Variants in UTY observed in about 807,000 individuals in gnomAD.
UTY encodes ubiquitously transcribed tetratricopeptide repeat containing, Y-linked.
UTY carries 12 observed loss-of-function variants against 32.5 expected under a neutral mutation model. The ratio of observed to expected loss-of-function variants is 0.37; its 90% CI spans 0.24 to 0.60. UTY has a LOEUF of 0.60. Among genes scored for constraint, UTY ranks in the 20% least tolerant of loss-of-function variants. The probability of loss-of-function intolerance (pLI) is 0.69; values close to 1 mark genes in which losing one functional copy is unlikely to be tolerated. For synonymous variants in UTY, 131 were observed against 103.4 expected (o/e 1.27, Z -1.62); for missense variants, 303 against 299.2 (o/e 1.01, Z -0.09).
At chrY:13,399,676 TTAA>T (rs2068699332) in intron 6 of UTY, among the ~76,000 whole-genome samples, 1 of 33,484 alleles carries the variant, frequency 3.0e-5, no homozygotes, top group Non-Finnish European at 7.4e-5. Context: ...AAAAAGGCTT[TTAA>T]TTATAAATAC....
chrY:13,469,213 C>CT (rs767648479), intron 3 of UTY, among the ~76,000 whole-genome samples: 49 of 24,758 alleles, frequency 2.0e-3, no homozygotes, highest in African/African-American at 3.3e-3. Flanking sequence ...CCACCTATTG[C>CT]TTTTTTTTTT....
intron 27 of UTY, among the ~76,000 whole-genome samples, chrY:13,280,871 A>G (rs2056971960): frequency 9.4e-5 from 3 of 32,015 alleles, no homozygotes; most frequent in African/African-American, 3.7e-4. Flanking sequence ...TAAAATTACC[A>G]AAGATCAAAG....
At chrY:13,269,859 C>T in intron 27 of UTY, among the ~76,000 whole-genome samples, 1 of 33,955 alleles carries the variant, frequency 2.9e-5, no homozygotes, top group Non-Finnish European at 7.4e-5. Flanking sequence ...GCTTTGGCTC[C>T]GCCTCTGTGG....
chrY:13,376,866 A>G, intron 8 of UTY, among the ~76,000 whole-genome samples: 1 of 33,585 alleles, frequency 3.0e-5, no homozygotes, highest in Non-Finnish European at 7.3e-5. Flanking sequence ...GGCTGTGGAA[A>G]GCATCCTCTT....
At chrY:13,270,906 C>G in intron 27 of UTY, among the ~76,000 whole-genome samples, 1 of 32,779 alleles carries the variant, frequency 3.1e-5, no homozygotes, top group Admixed American at 2.8e-4. Context: ...ACAGAAAAAC[C>G]CTTTGTTTAC....
chrY:13,295,403 C>A, intron 27 of UTY, among the ~76,000 whole-genome samples: 1 of 33,286 alleles, frequency 3.0e-5, no homozygotes, highest in African/African-American at 1.2e-4. Context: ...CCAAACACTC[C>A]CCAGGAGACC....
Position 13,293,243 on chromosome Y carries a change from T to A in UTY, c.4010+4464A>T, listed in dbSNP as rs745471664. 8.0e-4 allele frequency among the ~76,000 whole-genome samples: 27 copies of A among 33,761 alleles called. No individual in the cohort carries two copies. The East Asian group carries it at 0.021, about 26-fold the overall frequency. The allele number at this position is 33,761 out of a possible 37,273, so 90.6% of individuals were successfully genotyped here. A position where few individuals can be genotyped will look rare whatever the true frequency, so the allele number is the denominator to read the frequency against. On this transcript the variant is annotated intron_variant, in intron 27 of 29. Transcript: ENST00000545955. ...CTAAACCCTAAGTAAGAATGCTCAT[T>A]CTTGGCATCTGTTTAGAATCTAATA...
Position 13,297,867 on chromosome Y carries a change from C to T in UTY, c.3869-19G>A. The T allele has an allele frequency of 2.7e-6, 1 of 375,765 alleles. No homozygotes were observed. The highest frequency in any genetic ancestry group is 3.1e-5 in the South Asian group (1 of 32,766). 93.7% of individuals were successfully genotyped at this position (375,765 alleles called of 400,897 possible). ...TGGCAGGCTAGAAGGAAAAAAGCAA[C>T]AGTCATAAAGTAACCCAAAGTAATA... On this transcript the variant is annotated intron_variant, in intron 26 of 29. Coordinates refer to ENST00000545955, the MANE Select transcript of UTY (RefSeq NM_001258249.2).
At chrY:13,423,562 A>G (rs978313864) in intron 4 of UTY, among the ~76,000 whole-genome samples, 1 of 33,554 alleles carries the variant, frequency 3.0e-5, no homozygotes, top group African/African-American at 1.2e-4. Context: ...AGATTCCACT[A>G]CAGGGTATTT....
At chrY:13,466,056 T>C in intron 3 of UTY, among the ~76,000 whole-genome samples, 1 of 33,901 alleles carries the variant, frequency 2.9e-5, no homozygotes, top group African/African-American at 1.2e-4. Context: ...GTCACTAGTT[T>C]ATATAAATAT....
At chrY:13,357,448 T>C (rs2063048943) in intron 15 of UTY, among the ~76,000 whole-genome samples, 1 of 30,907 alleles carries the variant, frequency 3.2e-5, no homozygotes, top group African/African-American at 1.3e-4. Context: ...AGGTATTCGG[T>C]AGGCTGAGGC....
At chrY:13,437,639 T>C (rs1258752763) in intron 4 of UTY, among the ~76,000 whole-genome samples, 56 of 33,277 alleles carry the variant, frequency 1.7e-3, no homozygotes, top group Non-Finnish European at 7.4e-5. Flanking sequence ...TACAGAGGTA[T>C]GTGGATGCAC....
At chrY:13,407,237 G>C (rs927475010) in intron 6 of UTY, among the ~76,000 whole-genome samples, 3 of 31,807 alleles carry the variant, frequency 9.4e-5, no homozygotes, top group Non-Finnish European at 2.3e-4. Context: ...TATAGTGAGA[G>C]ATAATAAAGT....
At chrY:13,456,144 T>C in intron 3 of UTY, among the ~76,000 whole-genome samples, 1 of 32,774 alleles carries the variant, frequency 3.1e-5, no homozygotes, top group African/African-American at 1.2e-4. Flanking sequence ...ACCAAGAAAA[T>C]GGAAAACTAC....
At chrY:13,305,957 C>A (rs2058656149) in intron 23 of UTY, 81 bp downstream of exon 23, 29 of 270,832 alleles carry the variant, frequency 1.1e-4, no homozygotes, top group Non-Finnish European at 1.6e-4. Flanking sequence ...AGAAAAAAAA[C>A]AGTTCTCTAG....
At chrY:13,355,888 G>C in intron 16 of UTY, 35 bp downstream of exon 16, 1 of 328,995 alleles carries the variant, frequency 3.0e-6, no homozygotes, top group Non-Finnish European at 4.3e-6. Flanking sequence ...CAAACTGTTG[G>C]TAAATTTTAG....
At chrY:13,304,739 T>C (rs770801860) in intron 24 of UTY, among the ~76,000 whole-genome samples, 1 of 32,584 alleles carries the variant, frequency 3.1e-5, no homozygotes, top group African/African-American at 1.2e-4. Context: ...TGGAGTATTA[T>C]TTCCTCCAAA....
intron 7 of UTY, among the ~76,000 whole-genome samples, chrY:13,395,659 AACACACACACAC>A (rs113496156): frequency 9.0e-5 from 2 of 22,107 alleles, no homozygotes; most frequent in Non-Finnish European, 2.0e-4. Flanking sequence ...ACAAAATTAA[AACACACACACAC>A]ACACACACAC....
chrY:13,244,092 G>C (rs375918721), downstream of UTY, among the ~76,000 whole-genome samples: 1,237 of 32,715 alleles, frequency 0.038, no homozygotes, highest in Middle Eastern at 0.3. Flanking sequence ...ACAGGTATGA[G>C]CCACTGAGCC....
Sources: gnomAD v4.1 joint callset for allele counts (sites outside exome capture counted in the v4.1 genomes callset) on GRCh38, gnomAD v4.1.1 for gene constraint, MANE v1.5 for transcripts, NCBI Gene and HGNC (gene_info 2026-07-23, HGNC 2026-07-21) for gene names.